CCDC169: variants seen among roughly 807,000 people sequenced by gnomAD.
CCDC169 encodes coiled-coil domain containing 169.
In CCDC169, 30 loss-of-function variants were observed where a neutral mutation model predicts 36.0. The observed-to-expected ratio is 0.83, with a 90% CI of 0.62 to 1.13. The LOEUF (loss-of-function observed/expected upper bound fraction) is 1.13. CCDC169 is among the 50% of genes most tolerant of loss of function. The probability of loss-of-function intolerance (pLI) is 0.00; values close to 1 mark genes in which losing one functional copy is unlikely to be tolerated. For synonymous variants in CCDC169, 85 were observed against 81.5 expected (o/e 1.04, Z -0.23); for missense variants, 245 against 245.9 (o/e 1.00, Z 0.03).
intron 7 of CCDC169, 68 bp downstream of exon 7, chr13:36,248,537 AC>A: frequency 3.5e-6 from 5 of 1,422,822 alleles, no homozygotes; most frequent in Non-Finnish European, 4.8e-6. Context: ...TATAGTGGAC[AC>A]CTGTTTTGTC....
intron 2 of CCDC169, among the ~76,000 whole-genome samples, chr13:36,290,969 A>G (rs938339989): frequency 6.8e-6 from 1 of 147,406 alleles, no homozygotes; most frequent in African/African-American, 2.5e-5. Flanking sequence ...TGACCAAAAA[A>G]GGGGGAATAT....
intron 1 of CCDC169, among the ~76,000 whole-genome samples, chr13:36,296,282 C>T (rs1335830622): frequency 6.6e-6 from 1 of 152,126 alleles, no homozygotes; most frequent in Non-Finnish European, 1.5e-5. Flanking sequence ...TTAGAAGAGA[C>T]AGGGTTTCAC....
At chr13:36,276,173 C>T (rs1262372863) in intron 4 of CCDC169, among the ~76,000 whole-genome samples, 1 of 152,068 alleles carries the variant, frequency 6.6e-6, no homozygotes, top group Non-Finnish European at 1.5e-5. Flanking sequence ...TGCAGGGAGA[C>T]CAATCTACCT....
chr13:36,292,081 C>T (rs565242735), intron 2 of CCDC169, among the ~76,000 whole-genome samples: 28 of 151,806 alleles, frequency 1.8e-4, no homozygotes, highest in Non-Finnish European at 2.9e-4. Context: ...CTCTACCTCC[C>T]GGTTCAATCG....
chr13:36,271,267 C>T (rs1166082120), intron 4 of CCDC169, among the ~76,000 whole-genome samples: 1 of 151,972 alleles, frequency 6.6e-6, no homozygotes, highest in African/African-American at 2.4e-5. Context: ...TAGATGTTGG[C>T]ATGGATGTGG....
At chr13:36,296,685 T>C (rs1879536570) in intron 1 of CCDC169, among the ~76,000 whole-genome samples, 3 of 152,208 alleles carry the variant, frequency 2.0e-5, no homozygotes, top group Admixed American at 1.3e-4. Flanking sequence ...AAGAATTCAG[T>C]GAACAGTGAA....
At chr13:36,241,745 G>A (rs1025678402) in intron 7 of CCDC169, among the ~76,000 whole-genome samples, 33 of 151,992 alleles carry the variant, frequency 2.2e-4, no homozygotes, top group African/African-American at 7.0e-4. Flanking sequence ...TACTGGAATT[G>A]TTGGGTTATA....
chr13:36,238,465 A>C (rs1272607965), intron 7 of CCDC169, among the ~76,000 whole-genome samples: 2 of 152,110 alleles, frequency 1.3e-5, no homozygotes, highest in African/African-American at 4.8e-5. Flanking sequence ...TCAATTAAAA[A>C]ATTTTTTTAA....
At chr13:36,243,762 C>T (rs765605165) in intron 7 of CCDC169, among the ~76,000 whole-genome samples, 9 of 152,216 alleles carry the variant, frequency 5.9e-5, no homozygotes, top group South Asian at 2.1e-4. Flanking sequence ...GCCAAGATCG[C>T]GCCATGGCAC....
intron 3 of CCDC169, 41 bp from the exon 4 acceptor site, chr13:36,283,550 T>C (rs1877806702): frequency 1.3e-6 from 2 of 1,550,994 alleles, no homozygotes; most frequent in Non-Finnish European, 1.7e-6. Flanking sequence ...TTTTATCAGT[T>C]TTAACTCAAA....
chr13:36,243,203 G>A (rs1241270438), intron 7 of CCDC169, among the ~76,000 whole-genome samples: 3 of 152,108 alleles, frequency 2.0e-5, no homozygotes, highest in Admixed American at 2.0e-4. Context: ...AAGAACTCTC[G>A]CTAATAAACT....
chr13:36,274,010 C>T (rs1396144960), intron 4 of CCDC169, among the ~76,000 whole-genome samples: 1 of 152,168 alleles, frequency 6.6e-6, no homozygotes, highest in Non-Finnish European at 1.5e-5. Context: ...CACACAGTTA[C>T]AGCTGGTGTG....
At chr13:36,238,924 A>G (rs1205892528) in intron 7 of CCDC169, among the ~76,000 whole-genome samples, 1 of 152,174 alleles carries the variant, frequency 6.6e-6, no homozygotes, top group Non-Finnish European at 1.5e-5. Context: ...AAAAGAACAT[A>G]TATTAATAAA....
intron 7 of CCDC169, among the ~76,000 whole-genome samples, chr13:36,242,996 A>T (rs543026249): frequency 2.0e-5 from 3 of 152,364 alleles, no homozygotes; most frequent in African/African-American, 7.2e-5. Flanking sequence ...TATCTTAGCC[A>T]TGACTTGGAA....
At chr13:36,226,079 C>T (rs1393453526), downstream of CCDC169, 1 of 152,182 alleles carries the variant, frequency 6.6e-6, no homozygotes, top group Non-Finnish European at 1.5e-5. Context: ...AATCTTATTA[C>T]TGGGTATATA....
At chr13:36,241,220 A>G (rs1158211658) in intron 7 of CCDC169, among the ~76,000 whole-genome samples, 1 of 152,224 alleles carries the variant, frequency 6.6e-6, no homozygotes, top group Non-Finnish European at 1.5e-5. Flanking sequence ...AGTACATATG[A>G]GAATATCAAC....
intron 4 of CCDC169, among the ~76,000 whole-genome samples, chr13:36,278,826 T>C (rs903776505): frequency 2.0e-5 from 3 of 152,170 alleles, no homozygotes; most frequent in African/African-American, 4.8e-5. Context: ...GAGAAGCAAC[T>C]TTCCATAATC....
chr13:36,279,867 GAA>G (rs1441302273), intron 4 of CCDC169, among the ~76,000 whole-genome samples: 2 of 152,098 alleles, frequency 1.3e-5, no homozygotes, highest in African/African-American at 4.8e-5. Context: ...TCCATCTACA[GAA>G]AAGTTTGCTA....
At chr13:36,238,913 A>G (rs1004964678) in intron 7 of CCDC169, among the ~76,000 whole-genome samples, 5 of 152,154 alleles carry the variant, frequency 3.3e-5, no homozygotes, top group Non-Finnish European at 7.4e-5. Flanking sequence ...ACAGAAGAGG[A>G]AAAAGAACAT....
Sources: allele counts gnomAD v4.1 joint callset (sites outside exome capture counted in the v4.1 genomes callset), GRCh38; gene constraint gnomAD v4.1.1; transcripts MANE v1.5; gene names NCBI Gene and HGNC (gene_info 2026-07-23, HGNC 2026-07-21).